Variants in DICER1 observed in about 807,000 individuals in gnomAD.
DICER1 encodes the protein dicer 1, ribonuclease III.
In DICER1, 43 loss-of-function variants were observed where a neutral mutation model predicts 194.1. The observed-to-expected ratio is 0.22, with a 90% CI of 0.17 to 0.29. The LOEUF is 0.29. DICER1 is among the 10% of genes least tolerant of loss of function. The probability of loss-of-function intolerance (pLI) is 1.00; values close to 1 mark genes in which losing one functional copy is unlikely to be tolerated. For missense variants in DICER1, 1,608 were observed against 2,317.0 expected (o/e 0.69, Z 6.28); for synonymous variants, 832 against 820.5 (o/e 1.01, Z -0.24).
At chr14:95,112,024 C>T in intron 13 of DICER1, 148 bp downstream of exon 13, 1 of 726,594 alleles carries the variant, frequency 1.4e-6, no homozygotes, top group Non-Finnish European at 2.4e-6. Context: ...GTTACTAACA[C>T]TTATGTTTAT....
At chr14:95,121,107 T>C (rs375304470) in intron 8 of DICER1, among the ~76,000 whole-genome samples, 3 of 152,182 alleles carry the variant, frequency 2.0e-5, no homozygotes, top group East Asian at 3.9e-4. Context: ...ATCACCCCAG[T>C]ACAACCCCAA....
chr14:95,093,856 CT>C (rs775683941), intron 24 of DICER1, 31 bp downstream of exon 24: 5 of 1,613,506 alleles, frequency 3.1e-6, no homozygotes, highest in Non-Finnish European at 4.2e-6. Context: ...AGTTAGACCA[CT>C]TTTTTCAACA....
At chr14:95,119,889 T>C (rs1892793231) in intron 8 of DICER1, among the ~76,000 whole-genome samples, 2 of 152,232 alleles carry the variant, frequency 1.3e-5, no homozygotes, top group African/African-American at 4.8e-5. Context: ...CTTCTCAATC[T>C]TTGTACTTAA....
chr14:95,093,826 C>A (rs1169230962), intron 24 of DICER1, 62 bp downstream of exon 24: 1 of 1,576,668 alleles, frequency 6.3e-7, no homozygotes, highest in African/African-American at 1.3e-5. Context: ...CGTCAGAACT[C>A]TGAAACTACA....
intron 1 of DICER1, among the ~76,000 whole-genome samples, chr14:95,145,393 T>C (rs1293753641): frequency 2.6e-5 from 4 of 152,230 alleles, no homozygotes; most frequent in African/African-American, 9.6e-5. Flanking sequence ...CTAGTTCTCT[T>C]GAAAAACAAA....
intron 23 of DICER1, 103 bp downstream of exon 23, chr14:95,095,722 A>G: frequency 4.0e-6 from 5 of 1,243,316 alleles, no homozygotes; most frequent in Non-Finnish European, 5.8e-6. Flanking sequence ...AATATTAAGC[A>G]TGAACACTGT....
intron 3 of DICER1, 27 bp downstream of exon 3, chr14:95,132,488 C>T (rs377579959): frequency 6.2e-7 from 1 of 1,612,258 alleles, no homozygotes; most frequent in Non-Finnish European, 8.5e-7. Flanking sequence ...TTCCCCTGCA[C>T]AACTTGATAA....
At chr14:95,151,423 G>A (rs1375413817) in intron 1 of DICER1, among the ~76,000 whole-genome samples, 3 of 151,982 alleles carry the variant, frequency 2.0e-5, no homozygotes, top group African/African-American at 4.8e-5. Flanking sequence ...TCTAATACAC[G>A]TATTTAAAAG....
Position 95,129,617 on chromosome 14 carries a change from G to A in DICER1, c.589C>T (p.Pro197Ser), listed in dbSNP as rs375689793. 1.2e-6 allele frequency: 2 copies of A among 1,611,942 alleles called. No homozygotes were observed. Among genetic ancestry groups the A allele is most frequent in the Non-Finnish European group, 1.7e-6 (2 of 1,179,800 alleles). Reference protein sequence around the residue: ...REIMKLCENCPSCPRILGLTA... With the variant: ...REIMKLCENCSSCPRILGLTA... ...AGTCCCAAAATGCGAGGACATGATG[G>A]ACAATTTTCACAGAGCTAACATAAT... The change falls in exon 6 of 27, where the codon CCA (proline) becomes TCA (serine). Residue 197 changes from proline to serine, a missense_variant. Around this residue, in one of 10 missense-constraint regions of DICER1, gnomAD observed 657 missense variants for 910.1 expected, o/e 0.72. Coordinates refer to ENST00000343455, the MANE Select transcript of DICER1 (RefSeq NM_177438.3).
chr14:95,155,247 G>A (rs552626124), intron 1 of DICER1, among the ~76,000 whole-genome samples: 3 of 152,086 alleles, frequency 2.0e-5, no homozygotes, highest in Non-Finnish European at 2.9e-5. Context: ...TCAATAACAC[G>A]TTTCCCTTAT....
chr14:95,150,216 G>A (rs1431357327), intron 1 of DICER1, among the ~76,000 whole-genome samples: 1 of 152,206 alleles, frequency 6.6e-6, no homozygotes, highest in East Asian at 1.9e-4. Flanking sequence ...GGGCACGGTG[G>A]CTCATGCCTG....
intron 21 of DICER1, among the ~76,000 whole-genome samples, chr14:95,102,215 C>G (rs1890945100): frequency 6.6e-6 from 1 of 152,062 alleles, no homozygotes; most frequent in Non-Finnish European, 1.5e-5. Flanking sequence ...CACCTCAGCC[C>G]CTTCCTCTCT....
chr14:95,098,996 AC>A (rs911435579), intron 22 of DICER1, among the ~76,000 whole-genome samples: 5 of 152,244 alleles, frequency 3.3e-5, no homozygotes, highest in African/African-American at 9.6e-5. Context: ...AAAGAAAAAA[AC>A]GGTATTATCA....
chr14:95,134,000 A>G (rs1414251247), intron 1 of DICER1, among the ~76,000 whole-genome samples: 2 of 152,186 alleles, frequency 1.3e-5, no homozygotes, highest in Non-Finnish European at 2.9e-5. Flanking sequence ...ATACACATAA[A>G]TAAATTTTGA....
chr14:95,128,461 G>A (rs953329275), intron 6 of DICER1, among the ~76,000 whole-genome samples: 7 of 152,168 alleles, frequency 4.6e-5, no homozygotes, highest in African/African-American at 1.7e-4. Flanking sequence ...CGTTCTAGAG[G>A]TCGTAAGATT....
At position 95,087,501 on chromosome 14, in the gene DICER1, A is replaced by T; in HGVS notation, c.*2997T>A. On this transcript the variant is annotated 3_prime_UTR_variant, in exon 27 of 27. Coordinates refer to ENST00000343455, the MANE Select transcript of DICER1 (RefSeq NM_177438.3). ...GCAGGCATTATAATTATCTTTTTCA[A>T]ATTCCATAAATCAAAACAGCAGCAA... 4.3e-6 allele frequency: 1 copy of T among 233,170 alleles called. No homozygotes were observed. The highest frequency in any genetic ancestry group is 8.5e-6 in the Non-Finnish European group (1 of 118,002). 14.4% of individuals were successfully genotyped at this position (233,170 alleles called of 1,614,324 possible).
rs1893477550 is a variant in DICER1, at chr14:95,126,593, A to G, written c.890T>C (p.Leu297Ser). 1.3e-6 allele frequency: 2 copies of G among 1,527,682 alleles called. No individual in the cohort carries two copies. The highest frequency in any genetic ancestry group is 1.8e-6 in the Non-Finnish European group (2 of 1,101,822). 94.6% of individuals were successfully genotyped at this position (1,527,682 alleles called of 1,614,324 possible). A position where few individuals can be genotyped will look rare whatever the true frequency, so the allele number is the denominator to read the frequency against. The change falls in exon 7 of 27, where the codon TTA becomes TCA. Residue 297 changes from leucine to serine, a missense_variant. Leu to Ser is a moderately radical substitution (Grantham distance 145). Coordinates refer to ENST00000343455, the MANE Select transcript of DICER1 (RefSeq NM_177438.3). ...SVHSKERDST[L>S]ISKQILSDCR... ...GTATATGCTTACCTGTTTCGAAATT[A>G]AAGTAGAATCTCTTTCTTTTGAATG...
intron 11 of DICER1, among the ~76,000 whole-genome samples, chr14:95,113,628 C>A (rs1426219414): frequency 6.6e-6 from 1 of 152,228 alleles, no homozygotes; most frequent in Non-Finnish European, 1.5e-5. Context: ...AATCATCTTA[C>A]ATTTCCCACC....
intron 8 of DICER1, among the ~76,000 whole-genome samples, chr14:95,118,791 T>C (rs1443121556): frequency 2.0e-5 from 3 of 148,516 alleles, no homozygotes; most frequent in Non-Finnish European, 4.4e-5. Flanking sequence ...TTAAGTTGAA[T>C]CATTCTTTTA....
Sources: allele counts gnomAD v4.1 joint callset (sites outside exome capture counted in the v4.1 genomes callset), GRCh38; gene constraint gnomAD v4.1.1; regional missense constraint gnomAD v4.1.1; transcripts MANE v1.5; gene names NCBI Gene and HGNC (gene_info 2026-07-23, HGNC 2026-07-21).